Variants in SUSD1 observed in about 807,000 individuals in gnomAD.
SUSD1 encodes sushi domain containing 1, also known as sushi domain-containing protein 1.
A neutral mutation model predicts 86.9 loss-of-function variants in SUSD1; 65 were observed. The ratio of observed to expected loss-of-function variants is 0.75; its 90% CI spans 0.61 to 0.92. The LOEUF (loss-of-function observed/expected upper bound fraction) is 0.92. Among genes scored for constraint, SUSD1 ranks in the 40% least tolerant of loss-of-function variants. SUSD1 has a pLI of 0.00. For missense variants in SUSD1, 850 were observed against 929.7 expected, an observed-to-expected ratio of 0.91 and a Z score of 1.11; for synonymous variants, 346 against 350.0, an observed-to-expected ratio of 0.99 and a Z score of 0.13.
At chr9:112,149,719 C>T (rs572078900) in intron 2 of SUSD1, among the ~76,000 whole-genome samples, 54 of 152,140 alleles carry the variant, frequency 3.5e-4, no homozygotes, top group Admixed American at 1.6e-3. Context: ...CAGAGGCCCA[C>T]GGAAACAAAC....
At chr9:112,149,476 C>T (rs904740639) in intron 2 of SUSD1, 77 bp from the exon 3 acceptor site, 43 of 1,541,504 alleles carry the variant, frequency 2.8e-5, no homozygotes, top group Non-Finnish European at 3.7e-5. Flanking sequence ...TCCTCCCATG[C>T]TATGGACTCG....
intron 5 of SUSD1, among the ~76,000 whole-genome samples, chr9:112,132,804 A>C (rs1346273917): frequency 6.6e-6 from 1 of 152,210 alleles, no homozygotes; most frequent in Non-Finnish European, 1.5e-5. Context: ...GGTCTAAGGA[A>C]CCTGCGACAA....
At chr9:112,042,311 C>T (rs1476827392) in intron 15 of SUSD1, 39 of 719,186 alleles carry the variant, frequency 5.4e-5, no homozygotes, top group East Asian at 2.7e-4. Context: ...TTTTATGGGC[C>T]GTTTTCTTTT....
intron 5 of SUSD1, among the ~76,000 whole-genome samples, chr9:112,140,467 G>A (rs1832515071): frequency 2.7e-5 from 4 of 150,476 alleles, no homozygotes; most frequent in Admixed American, 2.7e-4. Context: ...TTGAGCCCAG[G>A]AGCACCAGTG....
rs116998312 is a variant in SUSD1 at position 112,127,002 on chromosome 9, A to G, written c.707-2566T>C. On this transcript the variant is annotated intron_variant, in intron 5 of 16. Coordinates refer to ENST00000374270, the MANE Select transcript of SUSD1 (RefSeq NM_022486.5). ...CTCAAAATGATAGAATGATACATCC[A>G]AAGTTACACAGGCAATTGTGGGATG... Among the ~76,000 whole-genome samples the G allele has an allele frequency of 9.8e-3, 1,499 of 152,316 alleles. 54 individuals are homozygous for G. Among genetic ancestry groups the G allele is most frequent in the Admixed American group, 0.071 (1,088 of 15,302 alleles).
chr9:112,146,592 C>T (rs1858356167), intron 3 of SUSD1, among the ~76,000 whole-genome samples: 2 of 151,764 alleles, frequency 1.3e-5, no homozygotes, highest in Admixed American at 1.3e-4. Flanking sequence ...CTCCTGTTCC[C>T]ACCAATCTTC....
intron 1 of SUSD1, among the ~76,000 whole-genome samples, chr9:112,170,704 T>TAGAG (rs1260226965): frequency 1.1e-4 from 10 of 91,404 alleles, no homozygotes; most frequent in African/African-American, 3.3e-4. Context: ...TATATATATA[T>TAGAG]ATATATAGAG....
chr9:112,077,851 C>T (rs192191842), intron 12 of SUSD1, among the ~76,000 whole-genome samples: 138 of 152,102 alleles, frequency 9.1e-4, no homozygotes, highest in African/African-American at 3.0e-3. Flanking sequence ...CTAAATATTC[C>T]TGAGAAAGAA....
intron 8 of SUSD1, among the ~76,000 whole-genome samples, chr9:112,109,037 G>A (rs1830977174): frequency 6.6e-6 from 1 of 152,290 alleles, no homozygotes; most frequent in East Asian, 1.9e-4. Flanking sequence ...TGACCCCAGA[G>A]GAGATGTAAG....
At chr9:112,138,255 ATG>A (rs1162510951) in intron 5 of SUSD1, among the ~76,000 whole-genome samples, 30 of 101,002 alleles carry the variant, frequency 3.0e-4, no homozygotes, top group Middle Eastern at 4.1e-3. Context: ...ATATATATAT[ATG>A]TGTATATACA....
intron 3 of SUSD1, 78 bp from the exon 4 acceptor site, chr9:112,143,701 C>A (rs750974833): frequency 7.1e-7 from 1 of 1,413,520 alleles, no homozygotes; most frequent in East Asian, 2.4e-5. Context: ...ATTGTGACAG[C>A]CATTTTTTCA....
chr9:112,099,800 C>T (rs1830551206), intron 9 of SUSD1, among the ~76,000 whole-genome samples: 1 of 152,208 alleles, frequency 6.6e-6, no homozygotes, highest in African/African-American at 2.4e-5. Context: ...TCAATTTTGA[C>T]AGTCATCCAA....
intron 15 of SUSD1, among the ~76,000 whole-genome samples, chr9:112,044,826 C>G (rs1165135108): frequency 6.6e-6 from 1 of 152,156 alleles, no homozygotes; most frequent in Admixed American, 6.5e-5. Context: ...GCATGCACTT[C>G]TTATACCAAA....
chr9:112,103,480 A>G (rs1195266188), intron 8 of SUSD1, among the ~76,000 whole-genome samples: 2 of 152,256 alleles, frequency 1.3e-5, no homozygotes, highest in African/African-American at 2.4e-5. Context: ...AATACCACAT[A>G]AAGCTTCTGT....
intron 2 of SUSD1, among the ~76,000 whole-genome samples, chr9:112,153,907 C>G (rs1285859973): frequency 6.6e-6 from 1 of 152,076 alleles, no homozygotes. Context: ...ACCCACCATG[C>G]CTGGCCTATG....
chr9:112,138,238 T>TATATATATGTATATACAC (rs1832359153), intron 5 of SUSD1, among the ~76,000 whole-genome samples: 1 of 36,968 alleles, frequency 2.7e-5, no homozygotes, highest in African/African-American at 1.5e-4. Context: ...AAAAAATGTG[T>TATATATATGTATATACAC]ATATATATAT....
At chr9:112,161,543 C>T (rs1243764544) in intron 1 of SUSD1, among the ~76,000 whole-genome samples, 1 of 151,978 alleles carries the variant, frequency 6.6e-6, no homozygotes, top group Non-Finnish European at 1.5e-5. Context: ...GCAATCTTGG[C>T]CAGGCAGGGT....
chr9:112,041,293 G>C lies in SUSD1; in HGVS notation c.*199C>G. 1 of 625,006 alleles carries C rather than the reference G, an allele frequency of 1.6e-6. No individual in the cohort carries two copies. The allele number at this position is 625,006 out of a possible 1,614,324, so 38.7% of individuals were successfully genotyped here. Reference sequence around the variant, plus strand: ...AGCAGGGAAGACTCAGAATTCCTGAGTTTTCTCCTTATGGTGACTCCTCAG... The same window carrying C: ...AGCAGGGAAGACTCAGAATTCCTGACTTTTCTCCTTATGGTGACTCCTCAG... On this transcript the variant is annotated 3_prime_UTR_variant, in exon 17 of 17. Transcript: ENST00000374270.
intron 14 of SUSD1, among the ~76,000 whole-genome samples, chr9:112,055,800 C>T (rs1357679522): frequency 6.6e-6 from 1 of 152,164 alleles, no homozygotes; most frequent in East Asian, 1.9e-4. Context: ...GTGGTATACT[C>T]ATATAATGGA....
Sources: allele counts gnomAD v4.1 joint callset (sites outside exome capture counted in the v4.1 genomes callset), GRCh38; gene constraint gnomAD v4.1.1; transcripts MANE v1.5; gene names NCBI Gene and HGNC (gene_info 2026-07-23, HGNC 2026-07-21).